Variants in NETO1 observed in about 807,000 individuals in gnomAD.
NETO1 encodes the protein neuropilin and tolloid-like protein 1.
In NETO1, 26 loss-of-function variants were observed where a neutral mutation model predicts 61.3. That is an observed-to-expected ratio of 0.42 (90% confidence interval 0.31 to 0.59). NETO1 has a LOEUF of 0.59. NETO1 is among the 20% of genes least tolerant of loss of function. NETO1 has a pLI of 0.12. For missense variants in NETO1, 531 were observed against 662.8 expected, an observed-to-expected ratio of 0.80 and a Z score of 2.18; for synonymous variants, 225 against 225.8, an observed-to-expected ratio of 1.00 and a Z score of 0.03.
At chr18:72,771,278 C>A (rs1485037510) in intron 7 of NETO1, among the ~76,000 whole-genome samples, 1 of 152,096 alleles carries the variant, frequency 6.6e-6, no homozygotes, top group African/African-American at 2.4e-5. Context: ...GAGCAAATAT[C>A]CAGCTAACGT....
intron 4 of NETO1, among the ~76,000 whole-genome samples, chr18:72,829,999 C>T (rs1229640690): frequency 6.6e-6 from 1 of 152,196 alleles, no homozygotes; most frequent in Non-Finnish European, 1.5e-5. Flanking sequence ...AAAAGAGACA[C>T]AGACTCTTGG....
At chr18:72,865,953 G>A (rs901527171) in intron 1 of NETO1, among the ~76,000 whole-genome samples, 8 of 152,130 alleles carry the variant, frequency 5.3e-5, no homozygotes, top group African/African-American at 1.4e-4. Flanking sequence ...CGTGATTTCC[G>A]AAAGCATTAT....
intron 4 of NETO1, among the ~76,000 whole-genome samples, chr18:72,814,842 A>C (rs962588029): frequency 6.6e-6 from 1 of 152,114 alleles, no homozygotes; most frequent in Admixed American, 6.5e-5. Flanking sequence ...CTAATAACAT[A>C]GGTACAATGT....
rs556037201 is a variant in NETO1 at position 72,833,402 on chromosome 18, G to C, written c.469+25424C>G. 8.1e-4 allele frequency among the ~76,000 whole-genome samples: 123 copies of C among 152,182 alleles called. 1 individual carries two copies. In the South Asian group the frequency reaches 0.023, roughly 28 times the overall value. ...CTCTGATATCATCCTATTTTCTCCAGTATGACCCCAAATGCTTTATTCTAC... is the reference window on the plus strand; with the variant it reads ...CTCTGATATCATCCTATTTTCTCCACTATGACCCCAAATGCTTTATTCTAC... On this transcript the variant is annotated intron_variant, in intron 4 of 10. Coordinates refer to ENST00000327305, the MANE Select transcript of NETO1 (RefSeq NM_138966.5).
At position 72,814,473 on chromosome 18, in the gene NETO1, G is replaced by GA. The variant is rs201781069; in HGVS notation, c.470-20070dup. On this transcript the variant is annotated intron_variant, in intron 4 of 10. Transcript: ENST00000327305. The stretch of plus-strand genomic sequence containing the variant: ...AAGAAGAAAAGTAGAAACTAAAAAA[G>GA]AAAAAAAAGAAATAAAACAAAGGAG... Among the ~76,000 whole-genome samples the GA allele has an allele frequency of 1.2e-3, 175 of 151,160 alleles. 2 individuals are homozygous for GA. In the East Asian group the frequency reaches 0.027, roughly 24 times the overall value.
intron 7 of NETO1, among the ~76,000 whole-genome samples, chr18:72,767,925 GC>G (rs2071220054): frequency 6.6e-6 from 1 of 152,184 alleles, no homozygotes; most frequent in Admixed American, 6.5e-5. Context: ...GCCACCTTCT[GC>G]TGACCATTTG....
chr18:72,786,984 G>A (rs1203408535), intron 6 of NETO1, among the ~76,000 whole-genome samples: 1 of 150,726 alleles, frequency 6.6e-6, no homozygotes. Context: ...GATCATAAGT[G>A]AATTAATGTG....
chr18:72,820,119 A>AT (rs2073144903), intron 4 of NETO1, among the ~76,000 whole-genome samples: 1 of 152,244 alleles, frequency 6.6e-6, no homozygotes, highest in African/African-American at 2.4e-5. Flanking sequence ...TTTCAAATTC[A>AT]TAAGGTACTC....
chr18:72,822,654 T>C (rs1371146507), intron 4 of NETO1, among the ~76,000 whole-genome samples: 2 of 152,242 alleles, frequency 1.3e-5, no homozygotes, highest in African/African-American at 4.8e-5. Context: ...GCACATCTTG[T>C]AATTGTAAAA....
intron 4 of NETO1, among the ~76,000 whole-genome samples, chr18:72,855,152 T>C (rs1371175762): frequency 6.6e-5 from 10 of 152,224 alleles, no homozygotes; most frequent in Admixed American, 6.5e-4. Context: ...TCTTGGTGAT[T>C]CTGCACTTAT....
intron 1 of NETO1, 138 bp from the exon 2 acceptor site, chr18:72,865,379 A>C (rs1248645196): frequency 9.1e-7 from 1 of 1,099,354 alleles, no homozygotes; most frequent in African/African-American, 1.6e-5. Flanking sequence ...TCGATTCAGA[A>C]CTTGCAAAAA....
intron 4 of NETO1, among the ~76,000 whole-genome samples, chr18:72,856,916 C>T (rs2074426989): frequency 6.6e-6 from 1 of 152,234 alleles, no homozygotes; most frequent in Non-Finnish European, 1.5e-5. Flanking sequence ...CTATAGCCTG[C>T]CTGGCTTCAG....
intron 1 of NETO1, 38 bp downstream of exon 1, chr18:72,867,226 C>G (rs749234113): frequency 6.0e-6 from 9 of 1,509,776 alleles, no homozygotes; most frequent in Non-Finnish European, 8.0e-6. Context: ...GGAGGGCTGG[C>G]TCCGGGAGCG....
At chr18:72,846,631 A>T (rs1374052220) in intron 4 of NETO1, among the ~76,000 whole-genome samples, 1 of 150,650 alleles carries the variant, frequency 6.6e-6, no homozygotes, top group Non-Finnish European at 1.5e-5. Context: ...ACAGAAAATA[A>T]GCATATTTGT....
intron 4 of NETO1, among the ~76,000 whole-genome samples, chr18:72,857,714 C>T (rs2074448467): frequency 6.6e-6 from 1 of 152,130 alleles, no homozygotes; most frequent in South Asian, 2.1e-4. Flanking sequence ...GACTGTAGCA[C>T]ATGAAATACC....
chr18:72,805,320 G>A (rs2072639237), intron 4 of NETO1, among the ~76,000 whole-genome samples: 1 of 152,114 alleles, frequency 6.6e-6, no homozygotes, highest in African/African-American at 2.4e-5. Flanking sequence ...AAATTTTTAT[G>A]AGACAGAGTT....
At chr18:72,833,909 T>C (rs2073659034) in intron 4 of NETO1, 1 of 161,758 alleles carries the variant, frequency 6.2e-6, no homozygotes, top group Admixed American at 6.5e-5. Context: ...ACTAGCTCAA[T>C]TTCTTTCTTG....
chr18:72,867,244 G>A lies in NETO1; in HGVS notation c.28+20C>T, dbSNP rs767103856. 5.2e-6 allele frequency: 8 copies of A among 1,538,878 alleles called. No individual in the cohort carries two copies. Among genetic ancestry groups the A allele is most frequent in the South Asian group, 1.2e-5 (1 of 80,680 alleles). ...GGGCTGGCTCCGGGAGCGCACGGGC[G>A]CGGCGGGGAGGGTACTCACTGTGAA... On this transcript the variant is annotated intron_variant, in intron 1 of 10. Transcript: ENST00000327305.
chr18:72,800,102 C>A (rs73471814), intron 4 of NETO1, among the ~76,000 whole-genome samples: 3,140 of 152,304 alleles, frequency 0.021, 88 homozygotes, highest in East Asian at 0.089. Flanking sequence ...TGCATGAGCA[C>A]CCATCTCAGC....
Sources: allele counts gnomAD v4.1 joint callset (sites outside exome capture counted in the v4.1 genomes callset), GRCh38; gene constraint gnomAD v4.1.1; transcripts MANE v1.5; gene names NCBI Gene and HGNC (gene_info 2026-07-23, HGNC 2026-07-21).